HDAC9: variants seen among roughly 807,000 people sequenced by gnomAD.
HDAC9 encodes the protein MEF-2 interacting transcription repressor (MITR) protein.
HDAC9 carries 41 observed loss-of-function variants against 139.4 expected under a neutral mutation model. The ratio of observed to expected loss-of-function variants is 0.29; its 90% CI spans 0.23 to 0.38. HDAC9 has a LOEUF of 0.38. Ranked by LOEUF, HDAC9 falls within the 10% of genes least tolerant of loss-of-function variation. The probability of loss-of-function intolerance (pLI) is 1.00; values close to 1 mark genes in which losing one functional copy is unlikely to be tolerated. For synonymous variants in HDAC9, 517 were observed against 476.2 expected, an observed-to-expected ratio of 1.09 and a Z score of -1.12; for missense variants, 1,147 against 1,297.0, an observed-to-expected ratio of 0.88 and a Z score of 1.78.
intron 23 of HDAC9, among the ~76,000 whole-genome samples, chr7:18,939,015 T>G (rs539972560): frequency 3.3e-5 from 5 of 152,224 alleles, no homozygotes; most frequent in Non-Finnish European, 7.3e-5. Flanking sequence ...TTCCAGTAAG[T>G]GCTAACTGAA....
chr7:18,409,347 A>C (rs1788326286), intron 1 of HDAC9, among the ~76,000 whole-genome samples: 1 of 152,184 alleles, frequency 6.6e-6, no homozygotes, highest in African/African-American at 2.4e-5. Context: ...GTGAAAATGG[A>C]GACTTTAATA....
At chr7:18,577,871 G>A (rs948755023) in intron 2 of HDAC9, among the ~76,000 whole-genome samples, 3 of 151,986 alleles carry the variant, frequency 2.0e-5, no homozygotes, top group African/African-American at 7.3e-5. Context: ...CAGTATTTAT[G>A]AAACCCAATC....
At chr7:18,407,764 G>C (rs1469197816) in intron 1 of HDAC9, among the ~76,000 whole-genome samples, 3 of 152,162 alleles carry the variant, frequency 2.0e-5, no homozygotes, top group Admixed American at 6.5e-5. Flanking sequence ...GCACTCCGGA[G>C]ACCATTAAGG....
intron 13 of HDAC9, among the ~76,000 whole-genome samples, chr7:18,747,177 G>A (rs1035211437): frequency 6.6e-6 from 1 of 152,176 alleles, no homozygotes; most frequent in African/African-American, 2.4e-5. Context: ...AAGCTGGAAA[G>A]ATGGGGAGGG....
intron 25 of HDAC9, among the ~76,000 whole-genome samples, chr7:18,987,806 G>A (rs1161935284): frequency 1.3e-5 from 2 of 152,162 alleles, no homozygotes; most frequent in African/African-American, 2.4e-5. Flanking sequence ...GAGAGTGTAT[G>A]TGTCCAGGAA....
intron 2 of HDAC9, among the ~76,000 whole-genome samples, chr7:18,200,623 G>T (rs1339868700): frequency 2.0e-5 from 3 of 152,112 alleles, no homozygotes; most frequent in Non-Finnish European, 4.4e-5. Context: ...ATTGGGGTTT[G>T]GTAGTAGACT....
At chr7:18,385,869 C>T (rs865806559) in intron 1 of HDAC9, among the ~76,000 whole-genome samples, 6 of 151,800 alleles carry the variant, frequency 4.0e-5, no homozygotes, top group South Asian at 2.1e-4. Context: ...ATAGAGTGGA[C>T]GATATTTAAT....
intron 1 of HDAC9, among the ~76,000 whole-genome samples, chr7:18,479,614 A>G (rs1440825236): frequency 6.6e-6 from 1 of 152,148 alleles, no homozygotes; most frequent in African/African-American, 2.4e-5. Flanking sequence ...TTTTCTTGGA[A>G]TTTTGCTATT....
chr7:18,324,798 A>G (rs1156557914), intron 1 of HDAC9, among the ~76,000 whole-genome samples: 1 of 152,186 alleles, frequency 6.6e-6, no homozygotes, highest in Non-Finnish European at 1.5e-5. Context: ...GGTCCCTTTA[A>G]TAACTTTAGC....
intron 12 of HDAC9, among the ~76,000 whole-genome samples, chr7:18,683,483 A>T (rs1279367984): frequency 1.3e-5 from 2 of 151,936 alleles, no homozygotes; most frequent in African/African-American, 2.4e-5. Flanking sequence ...AAAGGGTTTG[A>T]CATCTTGTCC....
intron 22 of HDAC9, chr7:18,892,640 C>T (rs1027558708): frequency 1.1e-4 from 16 of 152,068 alleles, no homozygotes; most frequent in Non-Finnish European, 2.1e-4. Flanking sequence ...TGAGCCCTGC[C>T]CTGCAAAGAC....
chr7:18,692,006 A>G (rs1344882748), intron 12 of HDAC9, among the ~76,000 whole-genome samples: 1 of 152,214 alleles, frequency 6.6e-6, no homozygotes, highest in Admixed American at 6.6e-5. Flanking sequence ...ACAAGTCTCA[A>G]GTTCCTCATC....
chr7:18,718,181 G>T (rs551769250), intron 12 of HDAC9, among the ~76,000 whole-genome samples: 4 of 152,020 alleles, frequency 2.6e-5, no homozygotes, highest in Non-Finnish European at 5.9e-5. Context: ...CCATAAATTT[G>T]TGTGTTCTGC....
intron 2 of HDAC9, among the ~76,000 whole-genome samples, chr7:18,265,730 T>G: frequency 6.6e-6 from 1 of 152,170 alleles, no homozygotes; most frequent in East Asian, 1.9e-4. Flanking sequence ...AGTGTTTGCA[T>G]TGTTGCAAAT....
chr7:18,421,805 G>A (rs1789645309), intron 1 of HDAC9, among the ~76,000 whole-genome samples: 1 of 152,156 alleles, frequency 6.6e-6, no homozygotes, highest in African/African-American at 2.4e-5. Context: ...ATTAATGAGA[G>A]CCCTGAGTGA....
intron 1 of HDAC9, among the ~76,000 whole-genome samples, chr7:18,393,739 T>C (rs929063851): frequency 6.6e-6 from 1 of 152,166 alleles, no homozygotes; most frequent in Admixed American, 6.6e-5. Context: ...CTTAGGAAGC[T>C]TTTTGATTTT....
At chr7:18,629,897 C>T (rs1425931316) in intron 7 of HDAC9, among the ~76,000 whole-genome samples, 1 of 152,126 alleles carries the variant, frequency 6.6e-6, no homozygotes, top group Admixed American at 6.6e-5. Flanking sequence ...AATTAAACTA[C>T]ATGGAACAGC....
At chr7:18,360,291 A>G (rs574254797) in intron 1 of HDAC9, among the ~76,000 whole-genome samples, 4 of 152,356 alleles carry the variant, frequency 2.6e-5, no homozygotes, top group Non-Finnish European at 4.4e-5. Context: ...TCTAGTTTAC[A>G]TAAGTGAAAT....
chr7:18,513,323 C>G (rs1438197709), intron 2 of HDAC9, among the ~76,000 whole-genome samples: 2 of 152,076 alleles, frequency 1.3e-5, no homozygotes, highest in East Asian at 3.9e-4. Flanking sequence ...CAAAAAATAA[C>G]TTGAGACCAA....
Sources: gnomAD v4.1 joint callset for allele counts (sites outside exome capture counted in the v4.1 genomes callset) on GRCh38, gnomAD v4.1.1 for gene constraint, MANE v1.5 for transcripts, NCBI Gene and HGNC (gene_info 2026-07-23, HGNC 2026-07-21) for gene names.